The following OPCML variants were observed in gnomAD, a reference collection of about 807,000 sequenced individuals.
OPCML encodes opioid binding protein/cell adhesion molecule like.
In OPCML, 13 loss-of-function variants were observed where a neutral mutation model predicts 37.8. The ratio of observed to expected loss-of-function variants is 0.34; its 90% CI spans 0.22 to 0.55. The LOEUF (loss-of-function observed/expected upper bound fraction) is 0.55, where lower values mean the gene tolerates loss of function less well. Ranked by LOEUF, OPCML falls within the 20% of genes least tolerant of loss-of-function variation. OPCML has a pLI of 0.91. For synonymous variants in OPCML, 176 were observed against 168.8 expected (o/e 1.04, Z -0.33); for missense variants, 341 against 435.6 (o/e 0.78, Z 1.93).
intron 1 of OPCML, among the ~76,000 whole-genome samples, chr11:133,084,612 G>A (rs922491950): frequency 2.1e-4 from 32 of 152,190 alleles, no homozygotes; most frequent in African/African-American, 7.5e-4. Context: ...TCACTGGGAG[G>A]CGTATTGGGG....
At chr11:132,740,537 G>T (rs2136036876) in intron 2 of OPCML, among the ~76,000 whole-genome samples, 1 of 152,290 alleles carries the variant, frequency 6.6e-6, no homozygotes, top group East Asian at 1.9e-4. Context: ...TGGTAGGAGA[G>T]AAAGGTCTGG....
At chr11:133,141,104 A>AAGAAGAAGAAGAAGAAGAAGC (rs1565469412) in intron 1 of OPCML, among the ~76,000 whole-genome samples, 2 of 135,186 alleles carry the variant, frequency 1.5e-5, no homozygotes, top group African/African-American at 5.4e-5. Context: ...GGAGAAGAAG[A>AAGAAGAAGAAGAAGAAGAAGC]AGCAGCTGAA....
chr11:133,305,734 G>A (rs1942898673), intron 1 of OPCML, among the ~76,000 whole-genome samples: 1 of 152,112 alleles, frequency 6.6e-6, no homozygotes, highest in African/African-American at 2.4e-5. Context: ...AGCATCCTGG[G>A]ACCTCCTTCC....
At chr11:133,396,871 G>A (rs1945297270) in intron 1 of OPCML, among the ~76,000 whole-genome samples, 1 of 151,978 alleles carries the variant, frequency 6.6e-6, no homozygotes. Flanking sequence ...ACCCTTCTGG[G>A]CCACTATCAA....
At chr11:133,317,814 A>G (rs1592196040) in intron 1 of OPCML, among the ~76,000 whole-genome samples, 2 of 152,220 alleles carry the variant, frequency 1.3e-5, no homozygotes, top group Admixed American at 1.3e-4. Context: ...CATGTGGCCT[A>G]TACCTAAGTG....
At chr11:132,888,086 A>C (rs563484666) in intron 2 of OPCML, among the ~76,000 whole-genome samples, 8 of 152,120 alleles carry the variant, frequency 5.3e-5, no homozygotes, top group Admixed American at 1.3e-4. Flanking sequence ...ACTGGCAAAG[A>C]GTGAAGGGGG....
chr11:132,858,306 C>T (rs565874140), intron 2 of OPCML, among the ~76,000 whole-genome samples: 9 of 152,316 alleles, frequency 5.9e-5, no homozygotes, highest in African/African-American at 2.2e-4. Flanking sequence ...TCCCAGGTTC[C>T]CTCCTCTTTG....
At chr11:132,574,956 T>G (rs1459587130) in intron 3 of OPCML, among the ~76,000 whole-genome samples, 2 of 152,062 alleles carry the variant, frequency 1.3e-5, no homozygotes, top group Non-Finnish European at 2.9e-5. Flanking sequence ...GTATATCATA[T>G]ATATTTATTA....
intron 2 of OPCML, among the ~76,000 whole-genome samples, chr11:132,912,920 A>G (rs936242582): frequency 6.6e-6 from 1 of 152,230 alleles, no homozygotes; most frequent in African/African-American, 2.4e-5. Flanking sequence ...TTCACCATAT[A>G]TCAAATATAT....
Position 133,174,517 on chromosome 11 carries a change from A to G in OPCML, c.62-231507T>C, listed in dbSNP as rs1297932649. Among the ~76,000 whole-genome samples the G allele has an allele frequency of 1.3e-5, 2 of 152,136 alleles. No individual in the cohort carries two copies. The highest frequency in any genetic ancestry group is 4.8e-5 in the African/African-American group (2 of 41,440). On this transcript the variant is annotated intron_variant, in intron 1 of 7. Transcript: ENST00000524381. The surrounding 1 kb of genome is among the most constrained non-coding windows in gnomAD (Gnocchi z 4.6). ...GTGATTATGAACATTACGATTTATA[A>G]TAGTGGAGGACTGGAAGCAACCTGC...
At chr11:133,102,551 A>T (rs190907217) in intron 1 of OPCML, among the ~76,000 whole-genome samples, 13 of 152,294 alleles carry the variant, frequency 8.5e-5, no homozygotes, top group African/African-American at 3.1e-4. Context: ...GATCAAGACC[A>T]TCCTAGCTAA....
At position 133,127,127 on chromosome 11, in the gene OPCML, T is replaced by C. The variant is rs1949529421; in HGVS notation, c.62-184117A>G. Among the ~76,000 whole-genome samples, 3 of 152,290 alleles carry C rather than the reference T, an allele frequency of 2.0e-5. No individual in the cohort carries two copies. The South Asian group carries it at 6.2e-4, about 32-fold the overall frequency. ...CCTTAGATCTGCCCCTTTCCCTCTTTTGATCCATCATCTTGTACTTCTAGG... is the reference window on the plus strand; with the variant it reads ...CCTTAGATCTGCCCCTTTCCCTCTTCTGATCCATCATCTTGTACTTCTAGG... On this transcript the variant is annotated intron_variant, in intron 1 of 7. Coordinates refer to ENST00000524381, the MANE Select transcript of OPCML (RefSeq NM_001012393.5).
At chr11:132,638,219 A>G (rs1940644518) in intron 3 of OPCML, among the ~76,000 whole-genome samples, 1 of 150,214 alleles carries the variant, frequency 6.7e-6, no homozygotes, top group Admixed American at 6.7e-5. Flanking sequence ...TACAGACTAT[A>G]TATATATATG....
intron 2 of OPCML, among the ~76,000 whole-genome samples, chr11:132,687,654 A>G (rs1273872402): frequency 6.6e-6 from 1 of 151,746 alleles, no homozygotes; most frequent in Non-Finnish European, 1.5e-5. Context: ...TCTTAATTTC[A>G]CCATCTGAGG....
chr11:132,968,062 G>A (rs1186631518), intron 1 of OPCML, among the ~76,000 whole-genome samples: 1 of 152,038 alleles, frequency 6.6e-6, no homozygotes, highest in East Asian at 1.9e-4. Flanking sequence ...TACATTCCGT[G>A]GATTTGACAA....
chr11:132,899,307 A>G (rs964841617), intron 2 of OPCML, among the ~76,000 whole-genome samples: 4 of 152,214 alleles, frequency 2.6e-5, no homozygotes, highest in African/African-American at 9.7e-5. Context: ...TATTATATAC[A>G]TGTTATAAAT....
chr11:132,535,340 G>A (rs1016586312), intron 3 of OPCML, among the ~76,000 whole-genome samples: 4 of 152,092 alleles, frequency 2.6e-5, no homozygotes, highest in African/African-American at 9.6e-5. Flanking sequence ...TTTCTTTTAG[G>A]GGGTGTCTGT....
intron 1 of OPCML, among the ~76,000 whole-genome samples, chr11:133,114,519 C>T (rs1949302681): frequency 1.3e-5 from 2 of 152,158 alleles, no homozygotes; most frequent in African/African-American, 4.8e-5. Context: ...AATTGTGTGT[C>T]CTGAACCCAG....
rs116944682 is a variant in OPCML at position 132,841,743 on chromosome 11, G to A, written c.146+101183C>T. 2.6e-5 allele frequency among the ~76,000 whole-genome samples: 4 copies of A among 151,550 alleles called. No homozygotes were observed. In the South Asian group the frequency reaches 6.3e-4, roughly 24 times the overall value. On this transcript the variant is annotated intron_variant, in intron 2 of 7. Transcript: ENST00000524381. ...AGGTGTGGTGGTGAGAGCCTGTAAT[G>A]CCAGCTATTCGGGAAGCTGAGGTAG...
Sources: gnomAD v4.1 joint callset for allele counts (sites outside exome capture counted in the v4.1 genomes callset) on GRCh38, gnomAD v4.1.1 for gene constraint, Gnocchi (gnomAD v3.1) non-coding constraint, MANE v1.5 for transcripts, NCBI Gene and HGNC (gene_info 2026-07-23, HGNC 2026-07-21) for gene names.